The following RALYL variants were observed in gnomAD, a reference collection of about 807,000 sequenced individuals.
The protein encoded by RALYL is RALY RNA binding protein like, also known as RNA-binding Raly-like protein.
A neutral mutation model predicts 35.1 loss-of-function variants in RALYL; 29 were observed. That is an observed-to-expected ratio of 0.83 (90% CI 0.61 to 1.13). The LOEUF (loss-of-function observed/expected upper bound fraction) is 1.13, where lower values mean the gene tolerates loss of function less well. Ranked by LOEUF, RALYL falls within the 50% of genes most tolerant of loss-of-function variation. The probability of loss-of-function intolerance (pLI) is 0.00; values close to 1 mark genes in which losing one functional copy is unlikely to be tolerated. For missense variants in RALYL, 359 were observed against 360.4 expected, an observed-to-expected ratio of 1.00 and a Z score of 0.03; for synonymous variants, 120 against 127.6, an observed-to-expected ratio of 0.94 and a Z score of 0.40.
intron 2 of RALYL, among the ~76,000 whole-genome samples, chr8:84,624,720 T>C (rs1822348023): frequency 6.6e-6 from 1 of 152,208 alleles, no homozygotes; most frequent in South Asian, 2.1e-4. Flanking sequence ...GGAACATTAG[T>C]CTGCCTACCA....
At chr8:84,613,320 C>T (rs1169088936) in intron 2 of RALYL, among the ~76,000 whole-genome samples, 1 of 151,450 alleles carries the variant, frequency 6.6e-6, no homozygotes. Flanking sequence ...CACCCTTGAA[C>T]TTTTTACTGT....
chr8:84,346,757 A>C (rs959149081), intron 1 of RALYL, among the ~76,000 whole-genome samples: 34 of 152,234 alleles, frequency 2.2e-4, no homozygotes, highest in African/African-American at 7.2e-4. Flanking sequence ...CAGGCCTATG[A>C]GTATTTTATG....
chr8:84,741,675 T>G (rs1807344490), intron 2 of RALYL, among the ~76,000 whole-genome samples: 2 of 152,040 alleles, frequency 1.3e-5, no homozygotes, highest in Admixed American at 1.3e-4. Flanking sequence ...GGTCTTAGGC[T>G]CATCATATGA....
chr8:84,445,205 T>C (rs951618771), intron 1 of RALYL, among the ~76,000 whole-genome samples: 1 of 152,082 alleles, frequency 6.6e-6, no homozygotes, highest in African/African-American at 2.4e-5. Context: ...ACGTTAAATA[T>C]CTTTCAGGAA....
At chr8:84,718,377 A>G (rs1360105784) in intron 2 of RALYL, among the ~76,000 whole-genome samples, 1 of 152,194 alleles carries the variant, frequency 6.6e-6, no homozygotes. Flanking sequence ...TTATTTACTG[A>G]AAGCATTAAT....
At chr8:84,720,478 C>T (rs1021596192) in intron 2 of RALYL, among the ~76,000 whole-genome samples, 2 of 152,072 alleles carry the variant, frequency 1.3e-5, no homozygotes, top group African/African-American at 4.8e-5. Flanking sequence ...AGACCTCTAT[C>T]CCTCACTGTA....
intron 3 of RALYL, among the ~76,000 whole-genome samples, chr8:84,797,237 T>G (rs1822147114): frequency 6.6e-6 from 1 of 152,106 alleles, no homozygotes; most frequent in Non-Finnish European, 1.5e-5. Context: ...ATGACATAAA[T>G]CCATTCATGA....
chr8:84,497,844 T>C lies in RALYL; in HGVS notation c.-23-31455T>C, dbSNP rs377634645. Among the ~76,000 whole-genome samples, 22 of 152,086 alleles carry C rather than the reference T, an allele frequency of 1.4e-4. 2 individuals are homozygous for C. In the South Asian group the frequency reaches 4.1e-3, roughly 29 times the overall value. On this transcript the variant is annotated intron_variant, in intron 1 of 8. Transcript: ENST00000521268. ...TTTTAGTAGAGACGGGGTTTCACCA[T>C]GTTAGACAGGATGTTCTCGATCTCC...
At chr8:84,843,409 A>G (rs1055323484) in intron 4 of RALYL, among the ~76,000 whole-genome samples, 9 of 152,206 alleles carry the variant, frequency 5.9e-5, no homozygotes, top group Admixed American at 4.6e-4. Context: ...CCAACTTACA[A>G]GGGATATGAA....
intron 2 of RALYL, among the ~76,000 whole-genome samples, chr8:84,655,532 T>C (rs138293980): frequency 6.6e-6 from 1 of 152,168 alleles, no homozygotes; most frequent in Non-Finnish European, 1.5e-5. Flanking sequence ...TTTTGCCATG[T>C]TGGCCAGGCT....
At chr8:84,565,579 A>AT (rs1419246377) in intron 2 of RALYL, among the ~76,000 whole-genome samples, 2 of 151,540 alleles carry the variant, frequency 1.3e-5, no homozygotes, top group African/African-American at 2.4e-5. Flanking sequence ...CTATCCTAGA[A>AT]TTTTTTTGAA....
chr8:84,449,084 T>G (rs887619699), intron 1 of RALYL, among the ~76,000 whole-genome samples: 45 of 149,844 alleles, frequency 3.0e-4, no homozygotes, highest in African/African-American at 9.6e-4. Context: ...TTTTGTTTTT[T>G]TTTTTTTTTT....
chr8:84,452,847 T>A (rs1208691374), intron 1 of RALYL, among the ~76,000 whole-genome samples: 1 of 151,990 alleles, frequency 6.6e-6, no homozygotes. Context: ...ATTTTTGAAT[T>A]TGTGTATATA....
chr8:84,274,594 C>T (rs1834993395), intron 1 of RALYL, among the ~76,000 whole-genome samples: 1 of 151,994 alleles, frequency 6.6e-6, no homozygotes, highest in Non-Finnish European at 1.5e-5. Flanking sequence ...AAATAAATAC[C>T]AGAGGTGACA....
chr8:84,246,616 C>T (rs540903028), intron 1 of RALYL, among the ~76,000 whole-genome samples: 2 of 152,178 alleles, frequency 1.3e-5, no homozygotes, highest in Admixed American at 6.5e-5. Context: ...AAAAAAGCGC[C>T]TGTGGATAAA....
intron 2 of RALYL, among the ~76,000 whole-genome samples, chr8:84,550,296 C>T (rs1174640112): frequency 6.6e-6 from 1 of 152,026 alleles, no homozygotes; most frequent in Non-Finnish European, 1.5e-5. Flanking sequence ...GCTATAAAAA[C>T]TAGATTGGCA....
intron 7 of RALYL, among the ~76,000 whole-genome samples, chr8:84,879,998 G>T (rs1182293571): frequency 6.6e-6 from 1 of 152,108 alleles, no homozygotes; most frequent in East Asian, 1.9e-4. Context: ...ATGAGCTAAA[G>T]GCAGGCAGAT....
At chr8:84,841,857 C>A (rs550073389) in intron 4 of RALYL, among the ~76,000 whole-genome samples, 1 of 152,302 alleles carries the variant, frequency 6.6e-6, no homozygotes, top group South Asian at 2.1e-4. Flanking sequence ...ACAACCTGCT[C>A]CTGAATGACT....
chr8:84,559,055 C>A lies in RALYL; in HGVS notation c.256+29478C>A, dbSNP rs139556303. On this transcript the variant is annotated intron_variant, in intron 2 of 8. Coordinates refer to ENST00000521268, the MANE Select transcript of RALYL (RefSeq NM_173848.7). ...ATAATTCCATATTCTTTAACAGAGA[C>A]CCAAAATAGCACTTTCTGTTTGTGT... Among the ~76,000 whole-genome samples, 1,295 of 152,068 alleles carry A rather than the reference C, an allele frequency of 8.5e-3. 20 individuals are homozygous for A. The highest frequency in any genetic ancestry group is 0.029 in the African/African-American group (1,203 of 41,492).
Sources: gnomAD v4.1 joint callset for allele counts (sites outside exome capture counted in the v4.1 genomes callset) on GRCh38, gnomAD v4.1.1 for gene constraint, MANE v1.5 for transcripts, NCBI Gene and HGNC (gene_info 2026-07-23, HGNC 2026-07-21) for gene names.